The following HOXD12 variants were observed in gnomAD, a reference collection of about 807,000 sequenced individuals.
The protein encoded by HOXD12 is homeobox protein Hox-D12.
In HOXD12, 21 loss-of-function variants were observed where a neutral mutation model predicts 20.2. That is an observed-to-expected ratio of 1.04 (90% CI 0.74 to 1.50). HOXD12 has a LOEUF of 1.50. Among genes scored for constraint, HOXD12 ranks in the 40% most tolerant of loss-of-function variants. The pLI is 0.00. For synonymous variants in HOXD12, 196 were observed against 168.8 expected (o/e 1.16, Z -1.25); for missense variants, 472 against 365.5 (o/e 1.29, Z -2.38).
rs1689485257 is a variant in HOXD12 at position 176,100,825 on chromosome 2, G to A, written c.*65G>A. On this transcript the variant is annotated 3_prime_UTR_variant, in exon 2 of 2. Coordinates refer to ENST00000406506, the MANE Select transcript of HOXD12 (RefSeq NM_021193.4). Reference sequence around the variant, plus strand: ...GGACAGAGGCCTTGTTTGGGGAGGGGGATCTGGGGCTAAGGCTAAGGCTTT... The same window carrying A: ...GGACAGAGGCCTTGTTTGGGGAGGGAGATCTGGGGCTAAGGCTAAGGCTTT... 4 of 1,097,180 alleles carry A rather than the reference G, an allele frequency of 3.6e-6. No homozygotes were observed. Among genetic ancestry groups the A allele is most frequent in the East Asian group, 2.5e-5 (1 of 40,040 alleles). 68.0% of individuals were successfully genotyped at this position (1,097,180 alleles called of 1,614,324 possible).
At position 176,100,658 on chromosome 2, in the gene HOXD12, T is replaced by A. The variant is rs765746572; in HGVS notation, c.711T>A (p.Asn237Lys). 59 of 1,613,808 alleles carry A rather than the reference T, an allele frequency of 3.7e-5. No homozygotes were observed. The highest frequency in any genetic ancestry group is 4.7e-5 in the Non-Finnish European group (56 of 1,179,836). The change falls in exon 2 of 2, where the codon AAT (asparagine) becomes AAA (lysine). Residue 237 changes from asparagine (N) to lysine (K), a missense_variant. Transcript: ENST00000406506. The stretch of plus-strand genomic sequence containing the variant: ...GGCAGAAACGCAAGGAATTGTCCAA[T>A]AGGCTGAACCTCAGCGACCAGCAAG... ...INRQKRKELS[N>K]RLNLSDQQVK...
chr2:176,100,606 A>AAT lies in HOXD12; in HGVS notation c.660_661dup (p.Phe221TyrfsTer20), dbSNP rs1164524901. The AAT allele has an allele frequency of 6.2e-7, 1 of 1,613,378 alleles. No individual in the cohort carries two copies. Among genetic ancestry groups the AAT allele is most frequent in the South Asian group, 1.1e-5 (1 of 90,904 alleles). ...CAGCAGATTGCGGAGTTGGAGAACGAATTCCTCGTCAACGAATTCATCAAC... is the reference window on the plus strand; with the variant it reads ...CAGCAGATTGCGGAGTTGGAGAACGAATATTCCTCGTCAACGAATTCATCAAC... On this transcript the variant is annotated frameshift_variant, in exon 2 of 2. Transcript: ENST00000406506. LOFTEE classifies it high-confidence loss of function.
Position 176,100,353 on chromosome 2 carries a change from C to T in HOXD12, c.552C>T (p.Cys184=). ...MTVQAAGVAS[C]LRPSLPDGLP... Reference sequence around the variant, plus strand: ...TGCAGGCGGCGGGCGTTGCCTCTTGCCTGCGACCTTCACTGCCCGACGGTA... The same window carrying T: ...TGCAGGCGGCGGGCGTTGCCTCTTGTCTGCGACCTTCACTGCCCGACGGTA... The change falls in exon 1 of 2, where the codon TGC becomes TGT. Residue 184 remains cysteine (C), a synonymous_variant. Transcript: ENST00000406506. The T allele has an allele frequency of 6.2e-7, 1 of 1,612,564 alleles. No homozygotes were observed. Among genetic ancestry groups the T allele is most frequent in the Non-Finnish European group, 8.5e-7 (1 of 1,179,808 alleles).
rs1252322427 is a variant in HOXD12, at chr2:176,101,801, A to T, written c.*1041A>T. The stretch of plus-strand genomic sequence containing the variant: ...CATCTTTCTTTCTTCAATTACCTTA[A>T]TGGAACCCCATAAGGATAGGCAAAA... On this transcript the variant is annotated 3_prime_UTR_variant, in exon 2 of 2. Coordinates refer to ENST00000406506, the MANE Select transcript of HOXD12 (RefSeq NM_021193.4). Among the ~76,000 whole-genome samples the T allele has an allele frequency of 1.3e-5, 2 of 152,162 alleles. No homozygotes were observed. The highest frequency in any genetic ancestry group is 2.9e-5 in the Non-Finnish European group (2 of 68,022).
rs770438058 is a variant in HOXD12, at chr2:176,100,386, C to T, written c.574+11C>T. ...CTTCACTGCCCGACGGTAAACGGTG[C>T]CCATGCTCCCCGGGCCGGTTTGGGC... On this transcript the variant is annotated intron_variant, in intron 1 of 1. Transcript: ENST00000406506. 2.5e-6 allele frequency: 4 copies of T among 1,612,032 alleles called. No individual in the cohort carries two copies. The South Asian group carries it at 3.3e-5, about 13-fold the overall frequency.
Position 176,100,029 on chromosome 2 carries a change from C to T in HOXD12, c.228C>T (p.Tyr76=). 6.4e-7 allele frequency: 1 copy of T among 1,569,878 alleles called. No individual in the cohort carries two copies. Among genetic ancestry groups the T allele is most frequent in the Non-Finnish European group, 8.6e-7 (1 of 1,157,802 alleles). The stretch of plus-strand genomic sequence containing the variant: ...CCTTCGGCGGCTTCTCGCAGCCCTA[C>T]CTGGCTGGCTCCGGGCCTCTCGGCC... ...ATAFGGFSQP[Y]LAGSGPLGLQ... Residue 76 remains tyrosine, a synonymous_variant, in exon 1 of 2, where the codon TAC becomes TAT. Transcript: ENST00000406506.
rs1369377183 is a variant in HOXD12, at chr2:176,100,101, C to A, written c.300C>A (p.Phe100Leu). 6.2e-7 allele frequency: 1 copy of A among 1,607,416 alleles called. No homozygotes were observed. The highest frequency in any genetic ancestry group is 1.1e-5 in the South Asian group (1 of 90,250). Reference protein sequence around the residue: ...AKDGPEEQAKFYAPEAAAGPE... With the variant: ...AKDGPEEQAKLYAPEAAAGPE... Reference sequence around the variant, plus strand: ...ACGGACCCGAAGAGCAGGCTAAGTTCTATGCGCCCGAAGCGGCCGCTGGGC... The same window carrying A: ...ACGGACCCGAAGAGCAGGCTAAGTTATATGCGCCCGAAGCGGCCGCTGGGC... The change falls in exon 1 of 2, where the codon TTC (phenylalanine) becomes TTA (leucine). Residue 100 changes from phenylalanine to leucine, a missense_variant. Physicochemically the swap from Phe to Leu is conservative, Grantham distance 22. Transcript: ENST00000406506.
At position 176,101,059 on chromosome 2, in the gene HOXD12, T is replaced by C; in HGVS notation, c.*299T>C. 3 of 491,496 alleles carry C rather than the reference T, an allele frequency of 6.1e-6. No homozygotes were observed. Among genetic ancestry groups the C allele is most frequent in the South Asian group, 5.2e-5 (2 of 38,222 alleles). 30.4% of individuals were successfully genotyped at this position (491,496 alleles called of 1,614,324 possible). On this transcript the variant is annotated 3_prime_UTR_variant, in exon 2 of 2. Coordinates refer to ENST00000406506, the MANE Select transcript of HOXD12 (RefSeq NM_021193.4). ...TGGCTGGGGCATTTGCACCCACCGCTCATTCTTGCTCCCCGGTACCTGGAT... is the reference window on the plus strand; with the variant it reads ...TGGCTGGGGCATTTGCACCCACCGCCCATTCTTGCTCCCCGGTACCTGGAT...
intron 1 of HOXD12, 42 bp downstream of exon 1, chr2:176,100,417 T>G (rs1306248259): frequency 1.9e-6 from 3 of 1,604,618 alleles, no homozygotes; most frequent in South Asian, 1.1e-5. Flanking sequence ...TGGGCCGGGA[T>G]GGGAGGTGGG....
Position 176,101,385 on chromosome 2 carries a change from G to C in HOXD12, c.*625G>C, listed in dbSNP as rs1435971727. ...AAAAGGGAGGGAAGGGGAGGGGCTG[G>C]GTAGTGGGGTAAACTTGGAGATATC... On this transcript the variant is annotated 3_prime_UTR_variant, in exon 2 of 2. Coordinates refer to ENST00000406506, the MANE Select transcript of HOXD12 (RefSeq NM_021193.4). Among the ~76,000 whole-genome samples the C allele has an allele frequency of 6.6e-6, 1 of 152,056 alleles. No homozygotes were observed. Among genetic ancestry groups the C allele is most frequent in the Non-Finnish European group, 1.5e-5 (1 of 68,030 alleles).
chr2:176,100,466 G>A (rs1399846793), intron 1 of HOXD12, 56 bp from the exon 2 acceptor site: 1 of 1,590,076 alleles, frequency 6.3e-7, no homozygotes, highest in Admixed American at 1.7e-5. Flanking sequence ...ACCGCCTGGG[G>A]GCGGGCAATA....
chr2:176,100,257 G>A lies in HOXD12; in HGVS notation c.456G>A (p.Leu152=). 6.2e-7 allele frequency: 1 copy of A among 1,612,502 alleles called. No individual in the cohort carries two copies. The highest frequency in any genetic ancestry group is 8.5e-7 in the Non-Finnish European group (1 of 1,179,832). Residue 152 remains leucine (L), a synonymous_variant, in exon 1 of 2, where the codon CTG becomes CTA. Coordinates refer to ENST00000406506, the MANE Select transcript of HOXD12 (RefSeq NM_021193.4). The stretch of plus-strand genomic sequence containing the variant: ...GTGCCACGCCGGGCTCCACGACCCT[G>A]CTCCAGGGGGCTCCCTGCGCCCCTG... ...VGRATPGSTT[L]LQGAPCAPGF... is the part of the protein sequence containing the mutation.
chr2:176,100,557 A>C lies in HOXD12; in HGVS notation c.610A>C (p.Lys204Gln). 1 of 1,610,694 alleles carries C rather than the reference A, an allele frequency of 6.2e-7. No homozygotes were observed. The highest frequency in any genetic ancestry group is 1.3e-5 in the African/African-American group (1 of 75,018). Residue 204 changes from lysine to glutamine, a missense_variant, in exon 2 of 2, where the codon AAG becomes CAG. Coordinates refer to ENST00000406506, the MANE Select transcript of HOXD12 (RefSeq NM_021193.4). ...GGGGGCGGCCCCGGGGAGGGCCCGCAAGAAGCGGAAACCCTACACGAAGCA... is the reference window on the plus strand; with the variant it reads ...GGGGGCGGCCCCGGGGAGGGCCCGCCAGAAGCGGAAACCCTACACGAAGCA... ...PWGAAPGRAR[K>Q]KRKPYTKQQI... is the part of the protein sequence containing the mutation.
chr2:176,101,886 C>T lies in HOXD12; in HGVS notation c.*1126C>T, dbSNP rs555500643. Reference sequence around the variant, plus strand: ...TCTCTTAGATTCTCTGCCCCGCTAGCTGCTCTTGACAAAGCAAAGAGGACC... The same window carrying T: ...TCTCTTAGATTCTCTGCCCCGCTAGTTGCTCTTGACAAAGCAAAGAGGACC... On this transcript the variant is annotated 3_prime_UTR_variant, in exon 2 of 2. Transcript: ENST00000406506. Among the ~76,000 whole-genome samples the T allele has an allele frequency of 3.3e-4, 50 of 152,356 alleles. No individual in the cohort carries two copies. Among genetic ancestry groups the T allele is most frequent in the African/African-American group, 1.2e-3 (49 of 41,590 alleles).
rs1424918899 is a variant in HOXD12 at position 176,102,049 on chromosome 2, AG to A, written c.*1293del. On this transcript the variant is annotated 3_prime_UTR_variant, in exon 2 of 2. Coordinates refer to ENST00000406506, the MANE Select transcript of HOXD12 (RefSeq NM_021193.4). ...CCTGCCAGGCTTGCCTCATGGAGGC[AG>A]GGGTTCCCAAATGCCAGGTGGAGTT... Among the ~76,000 whole-genome samples the A allele has an allele frequency of 6.6e-6, 1 of 152,210 alleles. No homozygotes were observed. Among genetic ancestry groups the A allele is most frequent in the African/African-American group, 2.4e-5 (1 of 41,456 alleles).
chr2:176,100,635 C>G lies in HOXD12; in HGVS notation c.688C>G (p.Gln230Glu). 6.2e-7 allele frequency: 1 copy of G among 1,613,666 alleles called. No individual in the cohort carries two copies. The highest frequency in any genetic ancestry group is 2.2e-5 in the East Asian group (1 of 44,864). Reference protein sequence around the residue: ...EFLVNEFINRQKRKELSNRLN... With the variant: ...EFLVNEFINREKRKELSNRLN... ...CCTCGTCAACGAATTCATCAACAGGCAGAAACGCAAGGAATTGTCCAATAG... is the reference window on the plus strand; with the variant it reads ...CCTCGTCAACGAATTCATCAACAGGGAGAAACGCAAGGAATTGTCCAATAG... The change falls in exon 2 of 2, where the codon CAG becomes GAG. Residue 230 changes from glutamine to glutamate, a missense_variant. Physicochemically the swap from Gln to Glu is conservative, Grantham distance 29. Coordinates refer to ENST00000406506, the MANE Select transcript of HOXD12 (RefSeq NM_021193.4).
At position 176,100,853 on chromosome 2, in the gene HOXD12, C is replaced by T. The variant is rs1689485453; in HGVS notation, c.*93C>T. The T allele has an allele frequency of 1.2e-6, 1 of 828,118 alleles. No individual in the cohort carries two copies. Among genetic ancestry groups the T allele is most frequent in the African/African-American group, 1.7e-5 (1 of 58,502 alleles). The allele number at this position is 828,118 out of a possible 1,614,324, so 51.3% of individuals were successfully genotyped here. A position where few individuals can be genotyped will look rare whatever the true frequency, so the allele number is the denominator to read the frequency against. ...TCTGGGGCTAAGGCTAAGGCTTTTC[C>T]TTCGGTTCCTTCTCTGCTGGCCCCA... On this transcript the variant is annotated 3_prime_UTR_variant, in exon 2 of 2. Coordinates refer to ENST00000406506, the MANE Select transcript of HOXD12 (RefSeq NM_021193.4).
Position 176,099,928 on chromosome 2 carries a change from T to A in HOXD12, c.127T>A (p.Ser43Thr). 6.3e-7 allele frequency: 1 copy of A among 1,594,210 alleles called. No homozygotes were observed. Among genetic ancestry groups the A allele is most frequent in the Middle Eastern group, 1.7e-4 (1 of 5,978 alleles). The part of the protein sequence containing the change: ...GGQLAALPPI[S>T]YPRGALPWAA... ...CCAGTTGGCCGCGCTTCCCCCTATC[T>A]CCTACCCGCGCGGCGCGCTGCCCTG... Residue 43 changes from serine (S) to threonine (T), a missense_variant, in exon 1 of 2, where the codon TCC becomes ACC. Physicochemically the swap from Ser to Thr is moderately conservative, Grantham distance 58. Transcript: ENST00000406506.
chr2:176,100,423 G>C lies in HOXD12; in HGVS notation c.574+48G>C, dbSNP rs763268577. 3 of 1,605,786 alleles carry C rather than the reference G, an allele frequency of 1.9e-6. No homozygotes were observed. The South Asian group carries it at 3.3e-5, about 18-fold the overall frequency. On this transcript the variant is annotated intron_variant, in intron 1 of 1. Transcript: ENST00000406506. ...GGGCCGGTTTGGGCCGGGATGGGAG[G>C]TGGGGTTCAAGGGAGAGTGTAAGGG...
Sources: allele counts gnomAD v4.1 joint callset (sites outside exome capture counted in the v4.1 genomes callset), GRCh38; gene constraint gnomAD v4.1.1; transcripts MANE v1.5; gene names NCBI Gene and HGNC (gene_info 2026-07-23, HGNC 2026-07-21).